Variants in IL1RAPL2 observed in about 807,000 individuals in gnomAD.
The protein encoded by IL1RAPL2 is interleukin 1 receptor accessory protein like 2, also known as X-linked interleukin-1 receptor accessory protein-like 2.
A neutral mutation model predicts 44.1 loss-of-function variants in IL1RAPL2; 3 were observed. The ratio of observed to expected loss-of-function variants is 0.07; its 90% CI spans 0.03 to 0.18. IL1RAPL2 has a LOEUF of 0.18. Among genes scored for constraint, IL1RAPL2 ranks in the 10% least tolerant of loss-of-function variants. IL1RAPL2 has a pLI of 1.00. For synonymous variants in IL1RAPL2, 181 were observed against 178.8 expected, an observed-to-expected ratio of 1.01 and a Z score of -0.10; for missense variants, 391 against 496.4, an observed-to-expected ratio of 0.79 and a Z score of 2.02.
At chrX:105,358,037 TAAAAAAAAAAAAAAAAAAA>T (rs774626399) in intron 5 of IL1RAPL2, among the ~76,000 whole-genome samples, 2 of 40,817 alleles carry the variant, frequency 4.9e-5, no homozygotes, top group Non-Finnish European at 9.7e-5. Context: ...ATCCTATTTC[TAAAAAAAAAAAAAAAAAAA>T]AAAAAAAAAA....
chrX:104,951,477 C>A (rs1925584413), intron 2 of IL1RAPL2, among the ~76,000 whole-genome samples: 1 of 112,425 alleles, frequency 8.9e-6, no homozygotes, highest in East Asian at 2.8e-4. Context: ...TCATATTCAA[C>A]TTTCTGAGCT....
intron 2 of IL1RAPL2, among the ~76,000 whole-genome samples, chrX:105,078,098 G>A (rs2032339145): frequency 8.9e-6 from 1 of 111,928 alleles, no homozygotes; most frequent in Non-Finnish European, 1.9e-5. Context: ...CTTTGGAGGA[G>A]GAGAGGCACT....
intron 2 of IL1RAPL2, among the ~76,000 whole-genome samples, chrX:104,907,694 A>G (rs1451304863): frequency 9.1e-6 from 1 of 110,354 alleles, no homozygotes; most frequent in Non-Finnish European, 1.9e-5. Flanking sequence ...CTGTTCTTTT[A>G]CATTTGCTGA....
chrX:105,450,006 T>C (rs1282693688), intron 5 of IL1RAPL2, among the ~76,000 whole-genome samples: 1 of 111,785 alleles, frequency 8.9e-6, no homozygotes, highest in East Asian at 2.9e-4. Context: ...CCTAGGCATG[T>C]CCAGAGATGC....
At chrX:104,804,819 T>G (rs1212933423) in intron 2 of IL1RAPL2, among the ~76,000 whole-genome samples, 1 of 112,768 alleles carries the variant, frequency 8.9e-6, no homozygotes, top group African/African-American at 3.2e-5. Context: ...CATGATGATC[T>G]ATTAAATTGG....
At chrX:105,429,821 G>A (rs185400748) in intron 5 of IL1RAPL2, among the ~76,000 whole-genome samples, 12 of 111,253 alleles carry the variant, frequency 1.1e-4, no homozygotes, top group East Asian at 2.8e-4. Flanking sequence ...AGTTTAACCC[G>A]TGGGCTATAG....
chrX:105,722,595 GT>G (rs2038315086), intron 7 of IL1RAPL2, among the ~76,000 whole-genome samples: 1 of 111,856 alleles, frequency 8.9e-6, no homozygotes, highest in Non-Finnish European at 1.9e-5. Flanking sequence ...ATAAGGAAGA[GT>G]TCTGACGGCA....
intron 6 of IL1RAPL2, among the ~76,000 whole-genome samples, chrX:105,696,094 T>C (rs1025565896): frequency 1.8e-5 from 2 of 112,305 alleles, no homozygotes; most frequent in African/African-American, 6.5e-5. Context: ...ATATTCAGTA[T>C]GTACTAGGAA....
intron 2 of IL1RAPL2, among the ~76,000 whole-genome samples, chrX:105,039,989 C>T (rs1332197698): frequency 4.5e-5 from 5 of 110,264 alleles, no homozygotes; most frequent in African/African-American, 1.7e-4. Context: ...CCAGTTTTTG[C>T]CCATTCAGTA....
At chrX:105,463,570 C>T (rs200408913) in intron 5 of IL1RAPL2, among the ~76,000 whole-genome samples, 7 of 98,631 alleles carry the variant, frequency 7.1e-5, no homozygotes, top group African/African-American at 3.6e-5. Context: ...TCTCTCTCTC[C>T]CACACACACA....
intron 1 of IL1RAPL2, among the ~76,000 whole-genome samples, chrX:104,583,723 G>C (rs1305751263): frequency 9.0e-6 from 1 of 111,319 alleles, no homozygotes; most frequent in African/African-American, 3.3e-5. Context: ...TTTCTAATTA[G>C]CATGCACATC....
chrX:104,676,028 A>T lies in IL1RAPL2; in HGVS notation c.82+17033A>T, dbSNP rs1198432516. 4.6e-5 allele frequency among the ~76,000 whole-genome samples: 5 copies of T among 107,789 alleles called. No individual in the cohort carries two copies. The East Asian group carries it at 1.5e-3, about 31-fold the overall frequency. 93.6% of individuals were successfully genotyped at this position (107,789 alleles called of 115,157 possible). A position where few individuals can be genotyped will look rare whatever the true frequency, so the allele number is the denominator to read the frequency against. ...GAGATGGGTTTCCTGAATTCAGCAC[A>T]CTGATGGGTCTTGACTCTTTATCCA... On this transcript the variant is annotated intron_variant, in intron 2 of 10. Transcript: ENST00000372582.
intron 5 of IL1RAPL2, among the ~76,000 whole-genome samples, chrX:105,332,024 A>G (rs113866385): frequency 0.1 from 11,179 of 109,209 alleles, 1,463 homozygotes; most frequent in African/African-American, 0.35. Flanking sequence ...AGTGACAACA[A>G]GTAGGCAGGA....
chrX:104,725,751 T>C (rs1392156031), intron 2 of IL1RAPL2, among the ~76,000 whole-genome samples: 1 of 111,976 alleles, frequency 8.9e-6, no homozygotes, highest in Non-Finnish European at 1.9e-5. Context: ...TTCTTGTAAA[T>C]GTATTTAAGT....
At chrX:105,065,391 T>G (rs2032125385) in intron 2 of IL1RAPL2, among the ~76,000 whole-genome samples, 1 of 111,909 alleles carries the variant, frequency 8.9e-6, no homozygotes, top group Non-Finnish European at 1.9e-5. Flanking sequence ...TTATTTCTAT[T>G]AGGCTCAAAT....
chrX:104,754,664 T>C (rs896037274), intron 2 of IL1RAPL2, among the ~76,000 whole-genome samples: 1 of 111,756 alleles, frequency 8.9e-6, no homozygotes, highest in African/African-American at 3.2e-5. Context: ...CAATATGATA[T>C]TTATGATTAT....
intron 5 of IL1RAPL2, among the ~76,000 whole-genome samples, chrX:105,314,230 T>A (rs2034819339): frequency 9.1e-6 from 1 of 110,349 alleles, no homozygotes; most frequent in Non-Finnish European, 1.9e-5. Flanking sequence ...TAAACCACTG[T>A]CTCCTTTAGT....
chrX:105,346,858 G>A (rs763117064), intron 5 of IL1RAPL2, among the ~76,000 whole-genome samples: 1 of 112,058 alleles, frequency 8.9e-6, no homozygotes, highest in Admixed American at 9.5e-5. Flanking sequence ...AATAGTAAAT[G>A]TAGCTATTTT....
chrX:104,940,386 T>A (rs1382870566), intron 2 of IL1RAPL2, among the ~76,000 whole-genome samples: 2 of 111,756 alleles, frequency 1.8e-5, no homozygotes, highest in African/African-American at 6.5e-5. Context: ...TGGAGAAATA[T>A]GTAAAGGTAT....
Sources: allele counts gnomAD v4.1 joint callset (sites outside exome capture counted in the v4.1 genomes callset), GRCh38; gene constraint gnomAD v4.1.1; transcripts MANE v1.5; gene names NCBI Gene and HGNC (gene_info 2026-07-23, HGNC 2026-07-21).